PIK3C2G: variants seen among roughly 807,000 people sequenced by gnomAD.
PIK3C2G encodes the protein phosphatidylinositol-4-phosphate 3-kinase catalytic subunit type 2 gamma, also known as phosphatidylinositol 3-kinase C2 domain-containing subunit gamma.
In PIK3C2G, 168 loss-of-function variants were observed where a neutral mutation model predicts 181.1. The observed-to-expected ratio is 0.93, with a 90% CI of 0.82 to 1.05. PIK3C2G has a LOEUF of 1.05. Ranked by LOEUF, PIK3C2G falls within the 50% of genes least tolerant of loss-of-function variation. PIK3C2G has a pLI of 0.00. For missense variants in PIK3C2G, 1,869 were observed against 1,732.8 expected, an observed-to-expected ratio of 1.08 and a Z score of -1.40; for synonymous variants, 573 against 592.2, an observed-to-expected ratio of 0.97 and a Z score of 0.47.
chr12:18,389,378 C>T (rs1482421571), intron 14 of PIK3C2G, among the ~76,000 whole-genome samples: 1 of 151,448 alleles, frequency 6.6e-6, no homozygotes, highest in African/African-American at 2.4e-5. Flanking sequence ...AAATTTGAGA[C>T]CAAAGCCAGG....
intron 3 of PIK3C2G, among the ~76,000 whole-genome samples, chr12:18,288,106 G>C (rs1442615712): frequency 6.6e-6 from 1 of 152,116 alleles, no homozygotes; most frequent in Admixed American, 6.5e-5. Context: ...AGATTGCAGT[G>C]AGCTGAGGTC....
In PIK3C2G at chr12:18,389,352, C is replaced by CAA. The variant is rs534886442; in HGVS notation, c.1996-1757_1996-1756dup. 8.5e-3 allele frequency among the ~76,000 whole-genome samples: 989 copies of CAA among 116,748 alleles called. 5 individuals are homozygous for CAA. Among genetic ancestry groups the CAA allele is most frequent in the African/African-American group, 0.023 (727 of 31,048 alleles). The allele number at this position is 116,748 out of a possible 152,430, so 76.6% of individuals were successfully genotyped here. On this transcript the variant is annotated intron_variant, in intron 14 of 32. Coordinates refer to ENST00000538779, the MANE Select transcript of PIK3C2G (RefSeq NM_001288772.2). ...TGGGCAACAGAGTGAGACTCCATCT[C>CAA]AAAAAAAAAAAAAAGAAATTTGAGA...
At chr12:18,701,547 G>C in the PIK3C2G span, 4 of 1,613,560 alleles carry the variant, frequency 2.5e-6, no homozygotes, top group Admixed American at 5.0e-5. Flanking sequence ...TTTTACCCCT[G>C]TTTCCTTGTC....
the PIK3C2G span, among the ~76,000 whole-genome samples, chr12:18,716,342 C>A: frequency 6.6e-6 from 1 of 151,988 alleles, no homozygotes; most frequent in African/African-American, 2.4e-5. Flanking sequence ...TTAATTTTAT[C>A]CATGGATCAA....
intron 18 of PIK3C2G, among the ~76,000 whole-genome samples, chr12:18,481,821 C>T (rs1939587910): frequency 6.6e-6 from 1 of 151,962 alleles, no homozygotes; most frequent in Admixed American, 6.6e-5. Flanking sequence ...TTCTACTGCC[C>T]CAGAATAAGA....
chr12:18,303,593 G>T (rs1950301219), intron 5 of PIK3C2G, among the ~76,000 whole-genome samples: 1 of 152,134 alleles, frequency 6.6e-6, no homozygotes, highest in African/African-American at 2.4e-5. Context: ...CTCTCAAAGT[G>T]CTGGGATTAC....
intron 24 of PIK3C2G, among the ~76,000 whole-genome samples, chr12:18,522,911 A>G (rs1299235382): frequency 6.6e-6 from 1 of 151,778 alleles, no homozygotes; most frequent in Non-Finnish European, 1.5e-5. Flanking sequence ...ATTCTCATAA[A>G]CTTTCTTCAT....
intron 8 of PIK3C2G, among the ~76,000 whole-genome samples, chr12:18,334,242 C>T (rs932485014): frequency 6.6e-6 from 1 of 152,010 alleles, no homozygotes; most frequent in African/African-American, 2.4e-5. Flanking sequence ...TCTGGAGCAC[C>T]TTTCTACTCA....
chr12:18,639,528 T>C (rs904881557), intron 31 of PIK3C2G, among the ~76,000 whole-genome samples: 2 of 152,228 alleles, frequency 1.3e-5, no homozygotes, highest in Non-Finnish European at 2.9e-5. Flanking sequence ...AACTAGACTT[T>C]CAGAGTTTTA....
the PIK3C2G span, among the ~76,000 whole-genome samples, chr12:18,665,662 C>T: frequency 1.1e-4 from 16 of 151,990 alleles, no homozygotes; most frequent in Admixed American, 9.2e-4. Context: ...GCGGTCTGGA[C>T]GCAGTGGCTC....
intron 12 of PIK3C2G, 36 bp from the exon 13 acceptor site, chr12:18,371,144 T>C: frequency 1.3e-6 from 2 of 1,544,376 alleles, no homozygotes; most frequent in South Asian, 2.4e-5. Flanking sequence ...TCAGTACAAT[T>C]GGGTAGGTAA....
chr12:18,538,252 C>T lies in PIK3C2G; in HGVS notation c.3420C>T (p.Cys1140=), dbSNP rs1943963483. 6.2e-7 allele frequency: 1 copy of T among 1,612,284 alleles called. No individual in the cohort carries two copies. The highest frequency in any genetic ancestry group is 8.5e-7 in the Non-Finnish European group (1 of 1,178,946). The change falls in exon 25 of 33, where the codon TGC becomes TGT. Residue 1140 remains cysteine, a synonymous_variant. Transcript: ENST00000538779. ...PQHFQDFVEL[C]CRAYNIIRKH... The stretch of plus-strand genomic sequence containing the variant: ...ATTTTCAAGATTTTGTGGAACTTTG[C>T]TGTCGTGCTTATAATATTATCAGAA...
chr12:18,648,843 T>C (rs1284763146), downstream of PIK3C2G, among the ~76,000 whole-genome samples: 1 of 152,144 alleles, frequency 6.6e-6, no homozygotes, highest in African/African-American at 2.4e-5. Context: ...TAATGCACTA[T>C]GCCACATTCT....
rs1449951098 is a variant in PIK3C2G, at chr12:18,282,732, G to T, written c.651G>T (p.Trp217Cys). 3.7e-6 allele frequency: 6 copies of T among 1,609,222 alleles called. No homozygotes were observed. The highest frequency in any genetic ancestry group is 5.1e-6 in the Non-Finnish European group (6 of 1,177,972). The change falls in exon 2 of 33, where the codon TGG becomes TGT. Residue 217 changes from tryptophan (W) to cysteine (C), a missense_variant. Physicochemically the swap from Trp to Cys is radical, Grantham distance 215. Coordinates refer to ENST00000538779, the MANE Select transcript of PIK3C2G (RefSeq NM_001288772.2). The stretch of plus-strand genomic sequence containing the variant: ...AAGGCTCTCTTCAACCCGGAATGTG[G>T]GAAAGTACATGGCAGAAGAATATAG... ...LLKGSLQPGM[W>C]ESTWQKNIES...
At chr12:18,638,869 G>A (rs1025303186) in intron 31 of PIK3C2G, among the ~76,000 whole-genome samples, 1 of 149,246 alleles carries the variant, frequency 6.7e-6, no homozygotes, top group Non-Finnish European at 1.5e-5. Context: ...GGGATTATAG[G>A]CAGGATATCC....
At chr12:18,349,063 A>C (rs1939963760) in intron 11 of PIK3C2G, among the ~76,000 whole-genome samples, 1 of 152,200 alleles carries the variant, frequency 6.6e-6, no homozygotes, top group African/African-American at 2.4e-5. Context: ...GGCTTTTCCC[A>C]GAGCAGATGA....
the PIK3C2G span, among the ~76,000 whole-genome samples, chr12:18,712,250 T>G: frequency 2.0e-5 from 3 of 152,176 alleles, no homozygotes; most frequent in African/African-American, 7.2e-5. Context: ...AAACCAGTGT[T>G]ATTTAGAACT....
At chr12:18,610,193 C>T (rs1005049148) in intron 31 of PIK3C2G, among the ~76,000 whole-genome samples, 2 of 151,984 alleles carry the variant, frequency 1.3e-5, no homozygotes, top group East Asian at 3.9e-4. Context: ...ACTAATGACC[C>T]GAGTTGGGGT....
chr12:18,636,380 G>A (rs559076281), intron 31 of PIK3C2G, among the ~76,000 whole-genome samples: 38 of 152,172 alleles, frequency 2.5e-4, no homozygotes, highest in South Asian at 1.9e-3. Context: ...TACAAGGCAC[G>A]TGCCACCATG....
Sources: allele counts gnomAD v4.1 joint callset (sites outside exome capture counted in the v4.1 genomes callset), GRCh38; gene constraint gnomAD v4.1.1; transcripts MANE v1.5; gene names NCBI Gene and HGNC (gene_info 2026-07-23, HGNC 2026-07-21).